The following SP140 variants were observed in gnomAD, a reference collection of about 807,000 sequenced individuals.
The protein encoded by SP140 is nuclear body protein SP140.
SP140 carries 81 observed loss-of-function variants against 125.0 expected under a neutral mutation model. The ratio of observed to expected loss-of-function variants is 0.65; its 90% CI spans 0.54 to 0.78. The LOEUF is 0.78. Among genes scored for constraint, SP140 ranks in the 30% least tolerant of loss-of-function variants. The pLI, the probability that SP140 is intolerant of heterozygous loss-of-function variation, is 0.00. For synonymous variants in SP140, 312 were observed against 354.0 expected (o/e 0.88, Z 1.33); for missense variants, 858 against 1,037.0 (o/e 0.83, Z 2.37).
upstream of SP140, chr2:230,225,709 G>C: frequency 1.3e-6 from 1 of 741,604 alleles, no homozygotes; most frequent in Non-Finnish European, 2.4e-6. Flanking sequence ...GTGCACCCAC[G>C]TCAGCTAGTT....
At chr2:230,288,088 A>G (rs1347379940) in intron 18 of SP140, 122 bp downstream of exon 18, 2 of 791,078 alleles carry the variant, frequency 2.5e-6, no homozygotes, top group East Asian at 5.9e-5. Flanking sequence ...CTAACTAGTG[A>G]GAAATGTATC....
intron 18 of SP140, 49 bp from the exon 19 acceptor site, chr2:230,290,411 G>C: frequency 1.3e-6 from 2 of 1,530,844 alleles, no homozygotes; most frequent in Non-Finnish European, 1.8e-6. Flanking sequence ...TAGGGAGGGG[G>C]GACGTGCCTT....
At chr2:230,249,988 A>C (rs1325556174) in intron 9 of SP140, among the ~76,000 whole-genome samples, 1 of 152,186 alleles carries the variant, frequency 6.6e-6, no homozygotes, top group African/African-American at 2.4e-5. Context: ...CCTGCTTTCC[A>C]AGCTCTTCCA....
At chr2:230,199,365 C>T (rs1049053698), upstream of SP140, among the ~76,000 whole-genome samples, 3 of 151,490 alleles carry the variant, frequency 2.0e-5, no homozygotes, top group Non-Finnish European at 2.9e-5. Flanking sequence ...CCCACCACCA[C>T]GCCTGGCTAG....
At chr2:230,255,675 T>C (rs2051078371) in intron 12 of SP140, 143 bp downstream of exon 12, 1 of 713,102 alleles carries the variant, frequency 1.4e-6, no homozygotes, top group Admixed American at 2.8e-5. Flanking sequence ...TTTCACATTT[T>C]CTGTACATGA....
chr2:230,279,684 T>C lies in SP140; in HGVS notation c.1499-4662T>C, dbSNP rs538148280. Among the ~76,000 whole-genome samples the C allele has an allele frequency of 5.9e-5, 9 of 152,364 alleles. No homozygotes were observed. The South Asian group carries it at 1.7e-3, about 28-fold the overall frequency. On this transcript the variant is annotated intron_variant, in intron 15 of 26. Coordinates refer to ENST00000392045, the MANE Select transcript of SP140 (RefSeq NM_007237.5). ...TTGTTTTAACAAATGTGTGCAGTTATATAAATACCTCCACAATCATGACAT... is the reference window on the plus strand; with the variant it reads ...TTGTTTTAACAAATGTGTGCAGTTACATAAATACCTCCACAATCATGACAT...
At chr2:230,193,107 C>G in the SP140 span, among the ~76,000 whole-genome samples, 1 of 152,034 alleles carries the variant, frequency 6.6e-6, no homozygotes, top group African/African-American at 2.4e-5. Context: ...TATATAATGA[C>G]CTTCTTTGCC....
intron 1 of SP140, among the ~76,000 whole-genome samples, chr2:230,236,820 G>C (rs1299941495): frequency 1.3e-5 from 2 of 152,180 alleles, no homozygotes; most frequent in Non-Finnish European, 2.9e-5. Context: ...TCAGGTGAAG[G>C]TCTCTTTATA....
At chr2:230,310,140 A>C (rs376808973) in intron 23 of SP140, 101 bp downstream of exon 23, 118 of 1,146,708 alleles carry the variant, frequency 1.0e-4, no homozygotes, top group Non-Finnish European at 1.5e-4. Context: ...AGATGGGGAA[A>C]GAGCAGGTTC....
upstream of SP140, chr2:230,202,745 CTTG>C: frequency 6.2e-7 from 1 of 1,613,998 alleles, no homozygotes. Flanking sequence ...CAAATAATGA[CTTG>C]TTAATAGTTT....
chr2:230,222,229 CAAAA>C (rs1204772131), upstream of SP140, among the ~76,000 whole-genome samples: 1 of 77,288 alleles, frequency 1.3e-5, no homozygotes, highest in African/African-American at 5.0e-5. Context: ...GATCCCGCCT[CAAAA>C]AAAAAAAAAA....
At chr2:230,197,428 A>G in the SP140 span, among the ~76,000 whole-genome samples, 4 of 151,362 alleles carry the variant, frequency 2.6e-5, no homozygotes, top group Non-Finnish European at 5.9e-5. Flanking sequence ...AGTTAATTGT[A>G]GATTCTGGAT....
At chr2:230,293,700 G>A (rs2057384645) in intron 20 of SP140, among the ~76,000 whole-genome samples, 1 of 152,168 alleles carries the variant, frequency 6.6e-6, no homozygotes, top group Non-Finnish European at 1.5e-5. Context: ...AATCTAGAAT[G>A]CTCAGTTCAA....
intron 15 of SP140, among the ~76,000 whole-genome samples, chr2:230,276,542 T>C (rs972831143): frequency 6.6e-6 from 1 of 152,204 alleles, no homozygotes; most frequent in Non-Finnish European, 1.5e-5. Flanking sequence ...CTGATGGAGA[T>C]GTACAAGGTG....
At chr2:230,254,366 A>G (rs1463996204) in intron 11 of SP140, among the ~76,000 whole-genome samples, 1 of 152,188 alleles carries the variant, frequency 6.6e-6, no homozygotes, top group African/African-American at 2.4e-5. Context: ...ACACAGAAGC[A>G]TACTCAGAGG....
At chr2:230,281,611 A>G (rs1186959033) in intron 15 of SP140, among the ~76,000 whole-genome samples, 1 of 152,154 alleles carries the variant, frequency 6.6e-6, no homozygotes, top group African/African-American at 2.4e-5. Flanking sequence ...CTTCTTTTTA[A>G]CTATGATAAT....
At chr2:230,255,417 C>T in intron 11 of SP140, 35 bp from the exon 12 acceptor site, 6 of 1,609,238 alleles carry the variant, frequency 3.7e-6, no homozygotes, top group South Asian at 1.1e-5. Context: ...TGGTTGTATA[C>T]TGAGACCTCT....
chr2:230,205,935 A>G (rs1176283778), intron 1 of SP140, among the ~76,000 whole-genome samples: 1 of 152,212 alleles, frequency 6.6e-6, no homozygotes, highest in Non-Finnish European at 1.5e-5. Context: ...CAATGAACCA[A>G]GGAGGCCCAT....
chr2:230,189,758 T>C, the SP140 span, among the ~76,000 whole-genome samples: 1 of 152,174 alleles, frequency 6.6e-6, no homozygotes, highest in Non-Finnish European at 1.5e-5. Flanking sequence ...GTGTTCTCAA[T>C]GATCAACTCC....
Sources: allele counts gnomAD v4.1 joint callset (sites outside exome capture counted in the v4.1 genomes callset), GRCh38; gene constraint gnomAD v4.1.1; transcripts MANE v1.5; gene names NCBI Gene and HGNC (gene_info 2026-07-23, HGNC 2026-07-21).